Variants in IQANK1 observed in about 807,000 individuals in gnomAD.
The protein encoded by IQANK1 is IQ motif and ankyrin repeat containing 1.
A neutral mutation model predicts 22.6 loss-of-function variants in IQANK1; 30 were observed. The ratio of observed to expected loss-of-function variants is 1.33; its 90% CI spans 0.99 to 1.80. IQANK1 has a LOEUF of 1.80. Ranked by LOEUF, IQANK1 falls within the 40% of genes most tolerant of loss-of-function variation. IQANK1 has a pLI of 0.00. For missense variants in IQANK1, 275 were observed against 235.2 expected (o/e 1.17, Z -1.11); for synonymous variants, 122 against 99.6 (o/e 1.23, Z -1.34).
intron 2 of IQANK1, among the ~76,000 whole-genome samples, chr8:143,737,849 T>C (rs1427998906): frequency 1.3e-5 from 2 of 152,222 alleles, no homozygotes; most frequent in Non-Finnish European, 2.9e-5. Flanking sequence ...CCACCGGTCC[T>C]CCAGCAGCAG....
At chr8:143,747,961 T>TCCTTTCCTTTC (rs1253494577) in intron 3 of IQANK1, among the ~76,000 whole-genome samples, 1 of 109,558 alleles carries the variant, frequency 9.1e-6, no homozygotes, top group African/African-American at 4.1e-5. Context: ...TCCTTTCCTT[T>TCCTTTCCTTTC]CCTTTCCTTT....
chr8:143,773,898 T>TG (rs1554630070), intron 7 of IQANK1, among the ~76,000 whole-genome samples: 1 of 151,952 alleles, frequency 6.6e-6, no homozygotes, highest in African/African-American at 2.4e-5. Context: ...TGGGGCATGG[T>TG]GGCCCGGAGA....
chr8:143,776,251 G>T (rs1554630389), intron 7 of IQANK1, among the ~76,000 whole-genome samples: 3 of 145,026 alleles, frequency 2.1e-5, no homozygotes, highest in Admixed American at 1.4e-4. Flanking sequence ...AACCCAAGAG[G>T]CAGAGCTTGC....
At chr8:143,779,651 A>G (rs372368774) in intron 7 of IQANK1, among the ~76,000 whole-genome samples, 2 of 152,166 alleles carry the variant, frequency 1.3e-5, no homozygotes, top group African/African-American at 2.4e-5. Flanking sequence ...TTCTGTCTTC[A>G]TTCATTTTCC....
chr8:143,759,252 C>A, intron 3 of IQANK1: 1 of 175,860 alleles, frequency 5.7e-6, no homozygotes, highest in East Asian at 1.4e-4. Flanking sequence ...CAGCAAATCC[C>A]TCCTCTCGCA....
At position 143,735,540 on chromosome 8, in the gene IQANK1, G is replaced by A. The variant is rs185783516; in HGVS notation, c.-4-310G>A. On this transcript the variant is annotated intron_variant, in intron 1 of 13. Coordinates refer to ENST00000527139, the MANE Select transcript of IQANK1 (RefSeq NM_001381874.1). This position sits in a 1 kb window ranked among gnomAD's most constrained non-coding sequence, Gnocchi z 5.2. ...GCAACCCAGCAGCTTGGGGCAGGGA[G>A]AAGAGTGCTAGACTCCAGATCCTGC... 5.7e-3 allele frequency among the ~76,000 whole-genome samples: 867 copies of A among 152,296 alleles called. 12 individuals carry two copies. Among genetic ancestry groups the A allele is most frequent in the African/African-American group, 0.02 (812 of 41,546 alleles).
At chr8:143,772,678 T>C (rs1304484407) in intron 7 of IQANK1, among the ~76,000 whole-genome samples, 196 bp downstream of exon 7, 1 of 152,184 alleles carries the variant, frequency 6.6e-6, no homozygotes, top group Non-Finnish European at 1.5e-5. Context: ...AGCGGTTTCC[T>C]AGCCCCGCCG....
intron 3 of IQANK1, among the ~76,000 whole-genome samples, chr8:143,748,713 T>C (rs1819093659): frequency 1.8e-5 from 2 of 111,450 alleles, no homozygotes; most frequent in Admixed American, 1.1e-4. Flanking sequence ...TATATAAATA[T>C]ATATCATATA....
chr8:143,775,218 A>C (rs1819659634), intron 7 of IQANK1, among the ~76,000 whole-genome samples: 1 of 152,160 alleles, frequency 6.6e-6, no homozygotes, highest in Admixed American at 6.5e-5. Context: ...TAATTATGTA[A>C]GAAGTCATCA....
chr8:143,775,919 A>G (rs113209727), intron 7 of IQANK1, among the ~76,000 whole-genome samples: 3,545 of 152,290 alleles, frequency 0.023, 154 homozygotes, highest in African/African-American at 0.08. Flanking sequence ...TAGACACTGA[A>G]GAAAATTAGT....
intron 3 of IQANK1, among the ~76,000 whole-genome samples, chr8:143,740,610 C>T (rs1554626343): frequency 6.6e-6 from 1 of 152,268 alleles, no homozygotes; most frequent in East Asian, 1.9e-4. Context: ...CTGGGCTCCT[C>T]TCCGCGGAGC....
chr8:143,747,472 A>T (rs1819053406), intron 3 of IQANK1, among the ~76,000 whole-genome samples: 1 of 151,970 alleles, frequency 6.6e-6, no homozygotes, highest in African/African-American at 2.4e-5. Flanking sequence ...ATTGATTTGA[A>T]ATCTTATGTA....
chr8:143,750,057 T>C (rs1819158370), intron 3 of IQANK1, among the ~76,000 whole-genome samples: 1 of 152,008 alleles, frequency 6.6e-6, no homozygotes. Context: ...CAGGCTGGAG[T>C]GCAATGGCAC....
chr8:143,785,253 C>CTTTTTTTTTTTTTT (rs36118052), intron 7 of IQANK1, among the ~76,000 whole-genome samples: 1 of 92,036 alleles, frequency 1.1e-5, no homozygotes, highest in African/African-American at 3.6e-5. Flanking sequence ...TGTTCTGTAT[C>CTTTTTTTTTTTTTT]TTTTTTTTTT....
Position 143,759,862 on chromosome 8 carries a change from C to T in IQANK1, c.176-11626C>T, listed in dbSNP as rs537294852. ...ATTTAACTTTTTATACCATGACAGC[C>T]GTAACCCTGTGGGTCACAGAGCTGA... On this transcript the variant is annotated intron_variant, in intron 3 of 13. Coordinates refer to ENST00000527139, the MANE Select transcript of IQANK1 (RefSeq NM_001381874.1). 2.6e-5 allele frequency: 4 copies of T among 152,288 alleles called. No individual in the cohort carries two copies. The South Asian group carries it at 6.2e-4, about 24-fold the overall frequency. 9.4% of individuals were successfully genotyped at this position (152,288 alleles called of 1,614,324 possible).
chr8:143,767,220 T>C (rs1409510527), intron 3 of IQANK1, among the ~76,000 whole-genome samples: 2 of 152,250 alleles, frequency 1.3e-5, no homozygotes, highest in Non-Finnish European at 2.9e-5. Flanking sequence ...TAGGATTTCG[T>C]TGAACCTATA....
At chr8:143,751,822 A>C (rs1283195044) in intron 3 of IQANK1, among the ~76,000 whole-genome samples, 1 of 151,340 alleles carries the variant, frequency 6.6e-6, no homozygotes, top group Admixed American at 6.6e-5. Context: ...CTTGCAGGGC[A>C]GGTCTAGTGG....
rs527764966 is a variant in IQANK1 at position 143,790,545 on chromosome 8, G to A, written c.1620G>A (p.Pro540=). The A allele has an allele frequency of 3.3e-5, 13 of 399,664 alleles. No homozygotes were observed. Among genetic ancestry groups the A allele is most frequent in the South Asian group, 1.3e-4 (1 of 7,878 alleles). The allele number at this position is 399,664 out of a possible 1,614,324, so 24.8% of individuals were successfully genotyped here. A position where few individuals can be genotyped will look rare whatever the true frequency, so the allele number is the denominator to read the frequency against. Residue 540 remains proline (P), a synonymous_variant, in exon 14 of 14, where the codon CCG becomes CCA. Coordinates refer to ENST00000527139, the MANE Select transcript of IQANK1 (RefSeq NM_001381874.1). ...RLFFVTKVQW[P]PAEQLQVLLP... ...TTTTCGTCACCAAGGTCCAGTGGCC[G>A]CCAGCTGAGCAGCTGCAGGTGCTGC...
intron 3 of IQANK1, among the ~76,000 whole-genome samples, chr8:143,760,912 G>GGCCCA (rs1819382967): frequency 6.6e-6 from 1 of 152,154 alleles, no homozygotes; most frequent in Non-Finnish European, 1.5e-5. Context: ...GGCGGGGCGC[G>GGCCCA]GCCCAGCGCG....
Sources: gnomAD v4.1 joint callset for allele counts (sites outside exome capture counted in the v4.1 genomes callset) on GRCh38, gnomAD v4.1.1 for gene constraint, Gnocchi (gnomAD v3.1) non-coding constraint, MANE v1.5 for transcripts, NCBI Gene and HGNC (gene_info 2026-07-23, HGNC 2026-07-21) for gene names.